CACNA2D1: variants seen among roughly 807,000 people sequenced by gnomAD.
CACNA2D1 encodes calcium voltage-gated channel auxiliary subunit alpha2delta 1.
Under a neutral mutation model 171.5 loss-of-function variants are expected in CACNA2D1, and 53 were observed. The ratio of observed to expected loss-of-function variants is 0.31; its 90% confidence interval spans 0.25 to 0.39. CACNA2D1 has a LOEUF of 0.39. Among genes scored for constraint, CACNA2D1 ranks in the 10% least tolerant of loss-of-function variants. The pLI is 1.00. For missense variants in CACNA2D1, 903 were observed against 1,299.8 expected (o/e 0.69, Z 4.69); for synonymous variants, 442 against 443.1 (o/e 1.00, Z 0.03).
intron 3 of CACNA2D1, among the ~76,000 whole-genome samples, chr7:82,218,021 G>A (rs983105972): frequency 4.0e-5 from 6 of 151,814 alleles, no homozygotes; most frequent in South Asian, 4.2e-4. Flanking sequence ...TGCAAGCTCC[G>A]CCTCCCGGGT....
intron 6 of CACNA2D1, among the ~76,000 whole-genome samples, chr7:82,109,121 A>G (rs2129045710): frequency 6.6e-6 from 1 of 152,306 alleles, no homozygotes. Context: ...CAGAACCATG[A>G]CAACATTTTA....
intron 4 of CACNA2D1, among the ~76,000 whole-genome samples, chr7:82,156,376 C>T (rs534050424): frequency 7.9e-5 from 12 of 152,216 alleles, no homozygotes; most frequent in South Asian, 2.1e-4. Context: ...GCCACAAATA[C>T]GGCTCCAAGG....
At chr7:81,981,025 T>C (rs901993969) in intron 24 of CACNA2D1, among the ~76,000 whole-genome samples, 2 of 152,154 alleles carry the variant, frequency 1.3e-5, no homozygotes, top group Non-Finnish European at 2.9e-5. Flanking sequence ...AGTCTGGAAA[T>C]AGATATAATA....
At chr7:82,340,986 C>T (rs138303889) in intron 2 of CACNA2D1, among the ~76,000 whole-genome samples, 6 of 152,244 alleles carry the variant, frequency 3.9e-5, no homozygotes, top group Non-Finnish European at 8.8e-5. Flanking sequence ...TCATTGTCAC[C>T]TCTGCTGCTT....
At chr7:82,402,348 T>C (rs1826518989) in intron 1 of CACNA2D1, among the ~76,000 whole-genome samples, 2 of 152,120 alleles carry the variant, frequency 1.3e-5, no homozygotes, top group Admixed American at 1.3e-4. Context: ...TCTGTGGGCT[T>C]ATTAATATTA....
chr7:82,389,850 T>A (rs1327884074), intron 1 of CACNA2D1, among the ~76,000 whole-genome samples: 1 of 152,252 alleles, frequency 6.6e-6, no homozygotes, highest in South Asian at 2.1e-4. Context: ...GATGTAATTG[T>A]TTTGAAGTTA....
In CACNA2D1 at chr7:82,179,721, C is replaced by T. The variant is rs542486069; in HGVS notation, c.295-9112G>A. On this transcript the variant is annotated intron_variant, in intron 3 of 38. Transcript: ENST00000356860. ...ACCAGCAGCATATTAATAACTTTTA[C>T]CACAATTTCTCAACTATAAAATGAG... Among the ~76,000 whole-genome samples, 6 of 152,134 alleles carry T rather than the reference C, an allele frequency of 3.9e-5. No homozygotes were observed. In the South Asian group the frequency reaches 6.2e-4, roughly 16 times the overall value.
chr7:82,166,890 A>G (rs7793379), intron 4 of CACNA2D1, among the ~76,000 whole-genome samples: 2 of 152,064 alleles, frequency 1.3e-5, no homozygotes, highest in Non-Finnish European at 1.5e-5. Context: ...TGTGAATTGC[A>G]TAAGTCCTTT....
intron 3 of CACNA2D1, among the ~76,000 whole-genome samples, chr7:82,307,338 G>T (rs1813859216): frequency 6.6e-6 from 1 of 151,690 alleles, no homozygotes. Flanking sequence ...TGTATTTTTA[G>T]TAGAGACAGA....
intron 1 of CACNA2D1, among the ~76,000 whole-genome samples, chr7:82,389,147 T>TA (rs1228267069): frequency 2.2e-5 from 3 of 133,392 alleles, no homozygotes; most frequent in East Asian, 4.5e-4. Flanking sequence ...TATATATATA[T>TA]TTATATATAT....
chr7:82,294,401 T>G (rs1812018205), intron 3 of CACNA2D1, among the ~76,000 whole-genome samples: 1 of 152,138 alleles, frequency 6.6e-6, no homozygotes, highest in South Asian at 2.1e-4. Context: ...AGGAATTCGG[T>G]TATTCACACT....
intron 10 of CACNA2D1, among the ~76,000 whole-genome samples, chr7:82,046,960 G>T (rs1584530575): frequency 1.3e-5 from 2 of 152,170 alleles, no homozygotes; most frequent in South Asian, 4.1e-4. Flanking sequence ...TTTTGATAGA[G>T]AAAATTTTAT....
At chr7:81,976,769 G>A (rs904079221) in intron 24 of CACNA2D1, among the ~76,000 whole-genome samples, 3 of 152,178 alleles carry the variant, frequency 2.0e-5, no homozygotes, top group Non-Finnish European at 4.4e-5. Flanking sequence ...CAGGTGAATC[G>A]CTTGAACCCA....
chr7:82,115,205 CAGA>C (rs1319455744), intron 6 of CACNA2D1, among the ~76,000 whole-genome samples: 4 of 152,180 alleles, frequency 2.6e-5, no homozygotes, highest in South Asian at 2.1e-4. Context: ...TAGAAAGATA[CAGA>C]AGGAGATTAT....
At chr7:82,133,492 G>A (rs1282465287) in intron 5 of CACNA2D1, among the ~76,000 whole-genome samples, 1 of 152,116 alleles carries the variant, frequency 6.6e-6, no homozygotes, top group Non-Finnish European at 1.5e-5. Flanking sequence ...GGTAGAACTT[G>A]GTCTGGTCCT....
chr7:82,405,247 TA>T (rs1043043425), intron 1 of CACNA2D1, among the ~76,000 whole-genome samples: 1 of 152,240 alleles, frequency 6.6e-6, no homozygotes, highest in South Asian at 2.1e-4. Context: ...AGTAGTAACA[TA>T]AAAAAATAGA....
chr7:82,369,637 T>C (rs1208030741), intron 1 of CACNA2D1, among the ~76,000 whole-genome samples: 3 of 152,052 alleles, frequency 2.0e-5, no homozygotes, highest in African/African-American at 4.8e-5. Context: ...CAAAATCCTA[T>C]ATAAAATATT....
At chr7:82,283,341 A>G (rs1810360260) in intron 3 of CACNA2D1, among the ~76,000 whole-genome samples, 1 of 152,224 alleles carries the variant, frequency 6.6e-6, no homozygotes, top group South Asian at 2.1e-4. Context: ...TATTATATGC[A>G]AGGCTGGGCA....
intron 1 of CACNA2D1, among the ~76,000 whole-genome samples, chr7:82,353,651 A>G (rs1820098522): frequency 6.6e-6 from 1 of 152,144 alleles, no homozygotes; most frequent in Non-Finnish European, 1.5e-5. Context: ...GAACAATGGT[A>G]TCACAAAAGC....
Sources: gnomAD v4.1 joint callset for allele counts (sites outside exome capture counted in the v4.1 genomes callset) on GRCh38, gnomAD v4.1.1 for gene constraint, MANE v1.5 for transcripts, NCBI Gene and HGNC (gene_info 2026-07-23, HGNC 2026-07-21) for gene names.